Variants in PCDHGA7 observed in about 807,000 individuals in gnomAD.
PCDHGA7 encodes the protein protocadherin gamma subfamily A, 7.
In PCDHGA7, 44 loss-of-function variants were observed where a neutral mutation model predicts 58.3. The observed-to-expected ratio is 0.75, with a 90% CI of 0.59 to 0.97. PCDHGA7 has a LOEUF of 0.97. PCDHGA7 is among the 50% of genes least tolerant of loss of function. The pLI is 0.00. For missense variants in PCDHGA7, 1,266 were observed against 1,188.7 expected (o/e 1.06, Z -0.96); for synonymous variants, 516 against 504.2 (o/e 1.02, Z -0.31).
intron 1 of PCDHGA7, chr5:141,395,876 T>C (rs1175297322): frequency 6.6e-6 from 1 of 152,090 alleles, no homozygotes; most frequent in Non-Finnish European, 1.5e-5. Context: ...AGTATGTGAG[T>C]CAGTGGTCAC....
At chr5:141,417,690 A>T in intron 1 of PCDHGA7, 1 of 1,077,126 alleles carries the variant, frequency 9.3e-7, no homozygotes, top group East Asian at 2.6e-5. Context: ...AGAAAAGAAA[A>T]CCAGCTCCCA....
At chr5:141,399,134 A>G (rs2093758534) in intron 1 of PCDHGA7, 6 of 1,613,856 alleles carry the variant, frequency 3.7e-6, no homozygotes, top group Non-Finnish European at 5.1e-6. Flanking sequence ...ATTCAAGATG[A>G]AAATGACAAT....
At position 141,486,460 on chromosome 5, in the gene PCDHGA7, T is replaced by A. The variant is rs1218788640; in HGVS notation, c.2425-8347T>A. 6.2e-7 allele frequency: 1 copy of A among 1,614,146 alleles called. No individual in the cohort carries two copies. Among genetic ancestry groups the A allele is most frequent in the South Asian group, 1.1e-5 (1 of 91,082 alleles). On this transcript the variant is annotated intron_variant, in intron 1 of 3. Coordinates refer to ENST00000518325, the MANE Select transcript of PCDHGA7 (RefSeq NM_018920.4). The surrounding 1 kb of genome is among the most constrained non-coding windows in gnomAD (Gnocchi z 5.0). Reference sequence around the variant, plus strand: ...ATGACATCATGGTCACTGCTTCTGATGCTGGGAACCCTCCTCTCAGTACCC... The same window carrying A: ...ATGACATCATGGTCACTGCTTCTGAAGCTGGGAACCCTCCTCTCAGTACCC...
At chr5:141,408,078 C>G in intron 1 of PCDHGA7, 1 of 1,407,992 alleles carries the variant, frequency 7.1e-7, no homozygotes, top group Non-Finnish European at 9.4e-7. Context: ...CCTTTCCCAG[C>G]ACAGCGGATT....
chr5:141,405,351 C>T (rs2094645564), intron 1 of PCDHGA7: 1 of 1,613,962 alleles, frequency 6.2e-7, no homozygotes, highest in Non-Finnish European at 8.5e-7. Context: ...TCCAAGTTTC[C>T]TATAGAAGAC....
chr5:141,394,724 G>T, intron 1 of PCDHGA7: 1 of 1,613,380 alleles, frequency 6.2e-7, no homozygotes, highest in Non-Finnish European at 8.5e-7. Flanking sequence ...ACAGAGATGC[G>T]CTCAAGCAGA....
chr5:141,414,421 A>AGGGAACAG (rs1486483287), intron 1 of PCDHGA7: 1 of 1,613,776 alleles, frequency 6.2e-7, no homozygotes, highest in Non-Finnish European at 8.5e-7. Context: ...AGCCCTTGAC[A>AGGGAACAG]GGGAACAGGT....
intron 1 of PCDHGA7, chr5:141,396,034 A>G (rs968115375): frequency 1.3e-5 from 2 of 152,256 alleles, no homozygotes; most frequent in African/African-American, 2.4e-5. Context: ...ATGTAAGAAC[A>G]TATTTCAATA....
At chr5:141,410,847 G>GTT (rs773839667) in intron 1 of PCDHGA7, 4 of 158,332 alleles carry the variant, frequency 2.5e-5, no homozygotes, top group South Asian at 1.1e-4. Flanking sequence ...TTTTGTCTTT[G>GTT]TCTTTTTTTT....
intron 1 of PCDHGA7, chr5:141,419,929 T>C: frequency 6.2e-7 from 1 of 1,614,076 alleles, no homozygotes; most frequent in Non-Finnish European, 8.5e-7. Context: ...AGATGCAGTT[T>C]TACCTGGTGG....
chr5:141,395,310 A>G (rs752171326), intron 1 of PCDHGA7: 7 of 1,502,410 alleles, frequency 4.7e-6, no homozygotes. Context: ...TTTGAAAAAC[A>G]TTGTGAAGAT....
chr5:141,503,400 A>C (rs2099819725), intron 2 of PCDHGA7, among the ~76,000 whole-genome samples: 1 of 151,750 alleles, frequency 6.6e-6, no homozygotes, highest in Non-Finnish European at 1.5e-5. Context: ...TTCGAAACCA[A>C]CCTGGCCAAT....
Position 141,485,369 on chromosome 5 carries a change from G to T in PCDHGA7, c.2425-9438G>T. On this transcript the variant is annotated intron_variant, in intron 1 of 3. Transcript: ENST00000518325. This position sits in a 1 kb window ranked among gnomAD's most constrained non-coding sequence, Gnocchi z 5.7. ...CAGTCTGTCAGCTCGCAGGCTGCAG[G>T]TCGCTGGAGAGGTGAACCAAAGACA... 1 of 1,614,154 alleles carries T rather than the reference G, an allele frequency of 6.2e-7. No individual in the cohort carries two copies. The highest frequency in any genetic ancestry group is 1.1e-5 in the South Asian group (1 of 91,088).
Position 141,487,421 on chromosome 5 carries a change from C to T in PCDHGA7, c.2425-7386C>T. ...GGGGCTTCCCCCTTCCAATGGGATC[C>T]TCCGAATCCAGCTAGGGTCAGATGA... On this transcript the variant is annotated intron_variant, in intron 1 of 3. Coordinates refer to ENST00000518325, the MANE Select transcript of PCDHGA7 (RefSeq NM_018920.4). This position sits in a 1 kb window ranked among gnomAD's most constrained non-coding sequence, Gnocchi z 5.0. The T allele has an allele frequency of 6.2e-7, 1 of 1,614,144 alleles. No homozygotes were observed. The highest frequency in any genetic ancestry group is 1.1e-5 in the South Asian group (1 of 91,082).
At chr5:141,457,647 T>C (rs929739178) in intron 1 of PCDHGA7, among the ~76,000 whole-genome samples, 6 of 152,256 alleles carry the variant, frequency 3.9e-5, no homozygotes, top group Non-Finnish European at 8.8e-5. Context: ...ATTATTTGCA[T>C]GAAGTGCAGC....
At chr5:141,428,155 G>A (rs767716956) in intron 1 of PCDHGA7, 7 of 1,581,618 alleles carry the variant, frequency 4.4e-6, no homozygotes, top group East Asian at 2.2e-5. Flanking sequence ...ACGGGAACCT[G>A]CTGGTTGCTG....
chr5:141,445,363 T>C (rs186841717), intron 1 of PCDHGA7, among the ~76,000 whole-genome samples: 9 of 152,284 alleles, frequency 5.9e-5, no homozygotes. Context: ...CCAAGTCTGG[T>C]CCTGGGTGGT....
intron 1 of PCDHGA7, chr5:141,418,385 G>T: frequency 6.2e-7 from 1 of 1,613,930 alleles, no homozygotes; most frequent in Non-Finnish European, 8.5e-7. Context: ...AAGTCCTAAC[G>T]AGTATTTCTC....
rs1236961370 is a variant in PCDHGA7, at chr5:141,512,621, C to T, written c.*1448C>T. 1 of 152,964 alleles carries T rather than the reference C, an allele frequency of 6.5e-6. No homozygotes were observed. The highest frequency in any genetic ancestry group is 1.5e-5 in the Non-Finnish European group (1 of 68,612). 9.5% of individuals were successfully genotyped at this position (152,964 alleles called of 1,614,324 possible). A position where few individuals can be genotyped will look rare whatever the true frequency, so the allele number is the denominator to read the frequency against. Reference sequence around the variant, plus strand: ...CCATCCAGCGGGGCTGCCAGAGAACCCCAGACCTGCCCTTACAGTAGTGTA... The same window carrying T: ...CCATCCAGCGGGGCTGCCAGAGAACTCCAGACCTGCCCTTACAGTAGTGTA... On this transcript the variant is annotated 3_prime_UTR_variant, in exon 4 of 4. Coordinates refer to ENST00000518325, the MANE Select transcript of PCDHGA7 (RefSeq NM_018920.4).
Sources: allele counts gnomAD v4.1 joint callset (sites outside exome capture counted in the v4.1 genomes callset), GRCh38; gene constraint gnomAD v4.1.1; non-coding constraint Gnocchi (gnomAD v3.1); transcripts MANE v1.5; gene names NCBI Gene and HGNC (gene_info 2026-07-23, HGNC 2026-07-21).